NCKAP5: variants seen among roughly 807,000 people sequenced by gnomAD.
The protein encoded by NCKAP5 is NCK associated protein 5.
In NCKAP5, 92 loss-of-function variants were observed where a neutral mutation model predicts 167.0. The observed-to-expected ratio is 0.55, with a 90% CI of 0.47 to 0.66. NCKAP5 has a LOEUF of 0.66. NCKAP5 is among the 30% of genes least tolerant of loss of function. NCKAP5 has a pLI of 0.00. For synonymous variants in NCKAP5, 891 were observed against 877.4 expected, an observed-to-expected ratio of 1.02 and a Z score of -0.27; for missense variants, 2,378 against 2,315.0, an observed-to-expected ratio of 1.03 and a Z score of -0.56.
intron 3 of NCKAP5, among the ~76,000 whole-genome samples, chr2:133,366,894 G>A (rs1477479201): frequency 6.6e-6 from 1 of 152,038 alleles, no homozygotes; most frequent in African/African-American, 2.4e-5. Flanking sequence ...TAAGGAAATA[G>A]TAAAACAAAG....
At position 132,844,550 on chromosome 2, in the gene NCKAP5, C is replaced by G. The variant is rs371483580; in HGVS notation, c.807+15942G>C. Among the ~76,000 whole-genome samples, 5 of 152,074 alleles carry G rather than the reference C, an allele frequency of 3.3e-5. No homozygotes were observed. The East Asian group carries it at 7.7e-4, about 23-fold the overall frequency. On this transcript the variant is annotated intron_variant, in intron 11 of 19. Coordinates refer to ENST00000409261, the MANE Select transcript of NCKAP5 (RefSeq NM_207363.3). ...ATTTACTATAAATTGTATCACATAA[C>G]CTGTATTGCTTTGCAACTTTACTTT...
intron 19 of NCKAP5, among the ~76,000 whole-genome samples, chr2:132,708,572 G>A (rs919526699): frequency 1.3e-5 from 2 of 152,168 alleles, no homozygotes; most frequent in Non-Finnish European, 2.9e-5. Flanking sequence ...TAAGGCTTCT[G>A]ACTCCAGGCC....
chr2:133,443,923 C>T (rs762630559), intron 3 of NCKAP5, among the ~76,000 whole-genome samples: 6 of 152,214 alleles, frequency 3.9e-5, no homozygotes, highest in Admixed American at 6.5e-5. Flanking sequence ...TACTCCTGCC[C>T]AGGGCAACTG....
the NCKAP5 span, among the ~76,000 whole-genome samples, chr2:133,663,429 A>G: frequency 6.6e-6 from 1 of 152,204 alleles, no homozygotes; most frequent in Non-Finnish European, 1.5e-5. Context: ...AAAATAAGAA[A>G]AAAATAAAGT....
chr2:132,865,625 G>T (rs181435204), intron 10 of NCKAP5, among the ~76,000 whole-genome samples: 1 of 152,096 alleles, frequency 6.6e-6, no homozygotes, highest in African/African-American at 2.4e-5. Context: ...ATAACCAGCC[G>T]TTGGATTTCA....
At chr2:132,915,193 T>A (rs977703216) in intron 8 of NCKAP5, among the ~76,000 whole-genome samples, 1 of 152,012 alleles carries the variant, frequency 6.6e-6, no homozygotes, top group Admixed American at 6.6e-5. Flanking sequence ...GGGCATCCAG[T>A]GTCTCCTTCC....
chr2:133,463,882 T>C (rs1692357333), intron 3 of NCKAP5, among the ~76,000 whole-genome samples: 1 of 152,220 alleles, frequency 6.6e-6, no homozygotes, highest in Non-Finnish European at 1.5e-5. Context: ...AAGAATTTAG[T>C]TTTCCTTGAG....
At chr2:132,963,531 A>G (rs374763695) in intron 8 of NCKAP5, among the ~76,000 whole-genome samples, 189 bp downstream of exon 8, 194 of 152,292 alleles carry the variant, frequency 1.3e-3, no homozygotes, top group African/African-American at 4.1e-3. Context: ...TTAAAACAAC[A>G]TTAGGTCAAG....
chr2:132,866,920 A>C (rs1264827132), intron 10 of NCKAP5, among the ~76,000 whole-genome samples: 1 of 152,162 alleles, frequency 6.6e-6, no homozygotes, highest in African/African-American at 2.4e-5. Flanking sequence ...GCAATTTTAC[A>C]GTGCCCATAA....
chr2:133,138,745 C>A (rs941603499), intron 5 of NCKAP5, among the ~76,000 whole-genome samples: 7 of 152,316 alleles, frequency 4.6e-5, no homozygotes, highest in Non-Finnish European at 5.9e-5. Context: ...AGAAGAAGGG[C>A]TCAGTCATCC....
intron 16 of NCKAP5, among the ~76,000 whole-genome samples, chr2:132,735,198 G>A (rs1691395694): frequency 6.6e-6 from 1 of 152,080 alleles, no homozygotes; most frequent in South Asian, 2.1e-4. Context: ...AGTTTACTTT[G>A]CCTCCTGATA....
At chr2:133,494,643 T>A (rs1681772222) in intron 3 of NCKAP5, among the ~76,000 whole-genome samples, 1 of 152,090 alleles carries the variant, frequency 6.6e-6, no homozygotes, top group Non-Finnish European at 1.5e-5. Context: ...TACCCTCCTC[T>A]CTATGGAAAT....
At position 132,928,020 on chromosome 2, in the gene NCKAP5, C is replaced by T. The variant is rs187561165; in HGVS notation, c.579+35700G>A. ...TTAAGTAAAAGCAAAATTTCTTGTC[C>T]TTCCCATATGCTTCTCTGAACCCTT... On this transcript the variant is annotated intron_variant, in intron 8 of 19. Transcript: ENST00000409261. Among the ~76,000 whole-genome samples the T allele has an allele frequency of 1.2e-4, 19 of 152,218 alleles. No individual in the cohort carries two copies. In the East Asian group the frequency reaches 3.5e-3, roughly 28 times the overall value.
intron 16 of NCKAP5, among the ~76,000 whole-genome samples, chr2:132,739,605 C>T (rs540561843): frequency 6.6e-6 from 1 of 152,252 alleles, no homozygotes; most frequent in Non-Finnish European, 1.5e-5. Context: ...CCTGTAGGTA[C>T]ATAATACATA....
intron 16 of NCKAP5, among the ~76,000 whole-genome samples, chr2:132,769,171 C>T (rs904949803): frequency 1.3e-5 from 2 of 150,850 alleles, no homozygotes; most frequent in Non-Finnish European, 3.0e-5. Context: ...TGGTCTTGAA[C>T]TCCTGGGTTC....
chr2:133,052,718 CAA>C (rs112451840), intron 6 of NCKAP5, among the ~76,000 whole-genome samples: 17 of 81,882 alleles, frequency 2.1e-4, no homozygotes, highest in Non-Finnish European at 2.1e-4. Context: ...AACTCTGTCA[CAA>C]AAAAAAAAAA....
chr2:133,092,702 T>C (rs2081225725), intron 6 of NCKAP5, among the ~76,000 whole-genome samples: 1 of 152,222 alleles, frequency 6.6e-6, no homozygotes, highest in African/African-American at 2.4e-5. Flanking sequence ...TGTCCTTCAT[T>C]ACAGTGGCCC....
intron 16 of NCKAP5, among the ~76,000 whole-genome samples, chr2:132,756,107 C>A (rs1298002294): frequency 6.6e-6 from 1 of 152,018 alleles, no homozygotes; most frequent in African/African-American, 2.4e-5. Flanking sequence ...GACCATAGCA[C>A]CCAGGCTGTG....
chr2:132,807,792 A>G (rs1344618081), intron 11 of NCKAP5, among the ~76,000 whole-genome samples: 1 of 152,010 alleles, frequency 6.6e-6, no homozygotes, highest in Non-Finnish European at 1.5e-5. Context: ...TTCCAGTACT[A>G]TGCTGAAGGA....
Sources: gnomAD v4.1 joint callset for allele counts (sites outside exome capture counted in the v4.1 genomes callset) on GRCh38, gnomAD v4.1.1 for gene constraint, MANE v1.5 for transcripts, NCBI Gene and HGNC (gene_info 2026-07-23, HGNC 2026-07-21) for gene names.